Variants in PRR14L observed in about 807,000 individuals in gnomAD.
PRR14L encodes proline rich 14 like, also known as protein PRR14L.
In PRR14L, 80 loss-of-function variants were observed where a neutral mutation model predicts 155.0. The ratio of observed to expected loss-of-function variants is 0.52; its 90% CI spans 0.43 to 0.62. The LOEUF (loss-of-function observed/expected upper bound fraction) is 0.62, where lower values mean the gene tolerates loss of function less well. Ranked by LOEUF, PRR14L falls within the 20% of genes least tolerant of loss-of-function variation. PRR14L has a pLI of 0.00. For missense variants in PRR14L, 2,469 were observed against 2,548.0 expected (o/e 0.97, Z 0.67); for synonymous variants, 883 against 916.0 (o/e 0.96, Z 0.65).
At chr22:31,697,892 A>G (rs917117967) in intron 7 of PRR14L, among the ~76,000 whole-genome samples, 3 of 152,056 alleles carry the variant, frequency 2.0e-5, no homozygotes, top group Non-Finnish European at 4.4e-5. Flanking sequence ...CTATATATAT[A>G]TCAAGATGTT....
chr22:31,706,114 C>T (rs2074589502), intron 4 of PRR14L, among the ~76,000 whole-genome samples: 1 of 151,196 alleles, frequency 6.6e-6, no homozygotes, highest in South Asian at 2.1e-4. Flanking sequence ...GGTGGATCAC[C>T]TGAGGTGAGG....
Position 31,707,579 on chromosome 22 carries a change from G to A in PRR14L, c.5757-2853C>T, listed in dbSNP as rs192357390. Among the ~76,000 whole-genome samples, 658 of 152,056 alleles carry A rather than the reference G, an allele frequency of 4.3e-3. 1 individual carries two copies. The highest frequency in any genetic ancestry group is 0.013 in the African/African-American group (551 of 41,494). ...TATTTTTATTTTTAGTAGAGATGGC[G>A]TTTCACCATGTTAGCCAGGATGGTC... On this transcript the variant is annotated intron_variant, in intron 4 of 8. Coordinates refer to ENST00000327423, the MANE Select transcript of PRR14L (RefSeq NM_173566.3).
In PRR14L at chr22:31,738,897, A is replaced by G. The variant is rs2147876341; in HGVS notation, c.-37T>C. The G allele has an allele frequency of 7.4e-7, 1 of 1,347,308 alleles. No homozygotes were observed. Among genetic ancestry groups the G allele is most frequent in the South Asian group, 1.3e-5 (1 of 76,870 alleles). 83.5% of individuals were successfully genotyped at this position (1,347,308 alleles called of 1,614,324 possible). A position where few individuals can be genotyped will look rare whatever the true frequency, so the allele number is the denominator to read the frequency against. On this transcript the variant is annotated 5_prime_UTR_variant, in exon 2 of 9. An upstream start codon of the reference 5' UTR is lost. Coordinates refer to ENST00000327423, the MANE Select transcript of PRR14L (RefSeq NM_173566.3). ...CAGATTATGGAGTCAAGTCTTTTAC[A>G]TCAAATGATTCACCCTGACACAAAT...
chr22:31,685,629 A>C lies in PRR14L; in HGVS notation c.6354T>G (p.Ala2118=). The C allele has an allele frequency of 1.3e-6, 2 of 1,551,958 alleles. No homozygotes were observed. Among genetic ancestry groups the C allele is most frequent in the South Asian group, 2.4e-5 (2 of 84,052 alleles). Residue 2118 remains alanine, a synonymous_variant, in exon 9 of 9, where the codon GCT becomes GCG. Transcript: ENST00000327423. ...GAGCATCCAGCTCTCGACTCTGCAC[A>C]GCTGCCTTCTGGGCCCTGGTAAAGC... ...AGSFTRAQKA[A]VQSRELDALL... is the part of the protein sequence containing the mutation.
At chr22:31,702,220 T>TTA (rs1569497694) in intron 6 of PRR14L, among the ~76,000 whole-genome samples, 2,270 of 151,678 alleles carry the variant, frequency 0.015, 57 homozygotes, top group African/African-American at 0.053. Context: ...TCCTGCTTTT[T>TTA]TTATTATTTA....
Position 31,703,645 on chromosome 22 carries a change from A to T in PRR14L, c.5905T>A (p.Ser1969Thr). 2 of 1,613,430 alleles carry T rather than the reference A, an allele frequency of 1.2e-6. No homozygotes were observed. Among genetic ancestry groups the T allele is most frequent in the Non-Finnish European group, 8.5e-7 (1 of 1,179,702 alleles). ...CCACGAACCTGGAACTCAGAGGCTG[A>T]AAGCAGGAGCTTGCTGACAGCTGAT... The part of the protein sequence containing the change: ...AESAVSKLLL[S>T]ASEFQVRGLD... Residue 1969 changes from serine (S) to threonine (T), a missense_variant, in exon 6 of 9, where the codon TCA becomes ACA. By Grantham distance (58) the Ser-to-Thr change is moderately conservative. Coordinates refer to ENST00000327423, the MANE Select transcript of PRR14L (RefSeq NM_173566.3).
rs1363977778 is a variant in PRR14L, at chr22:31,733,176, TG to T, written c.474+5210del. ...TAATTTTTTGTATTTTTAGTAGCGA[TG>T]GGGGTTTCACCAGGTTGGCCAGGCT... On this transcript the variant is annotated intron_variant, in intron 2 of 8. Transcript: ENST00000327423. Among the ~76,000 whole-genome samples, 9 of 151,884 alleles carry T rather than the reference TG, an allele frequency of 5.9e-5. No homozygotes were observed. The East Asian group carries it at 1.7e-3, about 29-fold the overall frequency.
chr22:31,708,516 G>T (rs546542071), intron 4 of PRR14L, among the ~76,000 whole-genome samples: 85 of 152,070 alleles, frequency 5.6e-4, no homozygotes, highest in Middle Eastern at 3.4e-3. Context: ...TAGTAGAGAC[G>T]AGGTTTCACC....
At position 31,699,870 on chromosome 22, in the gene PRR14L, G is replaced by GT. The variant is rs76015424; in HGVS notation, c.6107+1785dup. On this transcript the variant is annotated intron_variant, in intron 7 of 8. Transcript: ENST00000327423. The stretch of plus-strand genomic sequence containing the variant: ...TGTACTAAAATCTGCAGCTTCAAGG[G>GT]TTTTTTTTTTTTGACAAAAGTACAT... 1.7e-3 allele frequency among the ~76,000 whole-genome samples: 237 copies of GT among 142,622 alleles called. 1 individual carries two copies. The highest frequency in any genetic ancestry group is 6.0e-3 in the South Asian group (27 of 4,496). 93.6% of individuals were successfully genotyped at this position (142,622 alleles called of 152,430 possible).
chr22:31,685,495 C>T lies in PRR14L; in HGVS notation c.*32G>A, dbSNP rs373060948. ...AAAAACAAAACAAAACAAAAAAACC[C>T]TAAAATTGAGACCCTCAAACTGAAT... On this transcript the variant is annotated 3_prime_UTR_variant, in exon 9 of 9. Coordinates refer to ENST00000327423, the MANE Select transcript of PRR14L (RefSeq NM_173566.3). The T allele has an allele frequency of 8.8e-6, 13 of 1,481,110 alleles. No individual in the cohort carries two copies. In the East Asian group the frequency reaches 2.5e-4, roughly 29 times the overall value. The allele number at this position is 1,481,110 out of a possible 1,614,324, so 91.7% of individuals were successfully genotyped here.
chr22:31,720,167 T>C (rs1209853375), intron 3 of PRR14L, among the ~76,000 whole-genome samples: 4 of 152,346 alleles, frequency 2.6e-5, no homozygotes, highest in Middle Eastern at 3.4e-3. Context: ...CAGTGCCTGC[T>C]ATATAAAAGG....
At chr22:31,707,345 C>T (rs952518742) in intron 4 of PRR14L, among the ~76,000 whole-genome samples, 1 of 149,572 alleles carries the variant, frequency 6.7e-6, no homozygotes, top group Non-Finnish European at 1.5e-5. Flanking sequence ...TACCATCTAT[C>T]CTAACCTCAG....
chr22:31,691,869 T>C (rs1004550455), intron 7 of PRR14L, among the ~76,000 whole-genome samples: 3 of 151,830 alleles, frequency 2.0e-5, no homozygotes, highest in Admixed American at 1.3e-4. Context: ...ATGTTTTCAA[T>C]TCCTTTTTTT....
intron 4 of PRR14L, among the ~76,000 whole-genome samples, chr22:31,709,904 A>T (rs1379942739): frequency 6.6e-6 from 1 of 151,830 alleles, no homozygotes; most frequent in African/African-American, 2.4e-5. Context: ...AAGTGCTGGG[A>T]CTACAGGCAT....
intron 7 of PRR14L, among the ~76,000 whole-genome samples, chr22:31,699,331 C>G (rs1292221633): frequency 1.3e-5 from 2 of 152,220 alleles, no homozygotes; most frequent in East Asian, 3.8e-4. Flanking sequence ...AGCCACTGCT[C>G]CTGGCCTCAT....
At chr22:31,711,349 TA>T (rs1467499892) in intron 4 of PRR14L, among the ~76,000 whole-genome samples, 1 of 151,928 alleles carries the variant, frequency 6.6e-6, no homozygotes, top group Non-Finnish European at 1.5e-5. Flanking sequence ...CACGTGCCTG[TA>T]ATCCCAGCTA....
chr22:31,708,039 C>T (rs906284049), intron 4 of PRR14L, among the ~76,000 whole-genome samples: 1 of 151,784 alleles, frequency 6.6e-6, no homozygotes, highest in Non-Finnish European at 1.5e-5. Flanking sequence ...ATCCCAGCTA[C>T]TCAGGAGGCT....
chr22:31,716,160 G>A lies in PRR14L; in HGVS notation c.1679C>T (p.Ala560Val). 3 of 1,551,348 alleles carry A rather than the reference G, an allele frequency of 1.9e-6. No individual in the cohort carries two copies. Among genetic ancestry groups the A allele is most frequent in the Non-Finnish European group, 2.6e-6 (3 of 1,146,788 alleles). ...TTCAAACAGAAAATCATTACATGATGCTTCATTTAACTGGGTGTTGCCTTC... is the reference window on the plus strand; with the variant it reads ...TTCAAACAGAAAATCATTACATGATACTTCATTTAACTGGGTGTTGCCTTC... Reference protein sequence around the residue: ...NLEGNTQLNEASCNDFLFERK... With the variant: ...NLEGNTQLNEVSCNDFLFERK... Residue 560 changes from alanine to valine, a missense_variant, in exon 4 of 9, where the codon GCA becomes GTA. By Grantham distance (64) the Ala-to-Val change is moderately conservative. Transcript: ENST00000327423.
At chr22:31,740,190 C>T (rs1413008111) in intron 1 of PRR14L, among the ~76,000 whole-genome samples, 2 of 151,930 alleles carry the variant, frequency 1.3e-5, no homozygotes, top group East Asian at 1.9e-4. Flanking sequence ...CTTCCTGTAG[C>T]TGGGACAGGT....
Sources: allele counts gnomAD v4.1 joint callset (sites outside exome capture counted in the v4.1 genomes callset), GRCh38; gene constraint gnomAD v4.1.1; transcripts MANE v1.5; gene names NCBI Gene and HGNC (gene_info 2026-07-23, HGNC 2026-07-21).